Variants in ITPR2 observed in about 807,000 individuals in gnomAD.
The protein encoded by ITPR2 is inositol 1,4,5-trisphosphate-gated calcium channel ITPR2.
ITPR2 carries 207 observed loss-of-function variants against 317.1 expected under a neutral mutation model. The observed-to-expected ratio is 0.65, with a 90% CI of 0.58 to 0.73. The LOEUF (loss-of-function observed/expected upper bound fraction) is 0.73. Ranked by LOEUF, ITPR2 falls within the 30% of genes least tolerant of loss-of-function variation. The pLI, the probability that ITPR2 is intolerant of heterozygous loss-of-function variation, is 0.00. For missense variants in ITPR2, 2,613 were observed against 3,284.0 expected (o/e 0.80, Z 4.99); for synonymous variants, 1,156 against 1,149.1 (o/e 1.01, Z -0.12).
intron 55 of ITPR2, among the ~76,000 whole-genome samples, chr12:26,354,356 A>C (rs188334072): frequency 3.9e-4 from 59 of 152,342 alleles, no homozygotes; most frequent in African/African-American, 1.3e-3. Flanking sequence ...CACACAAATA[A>C]ATGGGTAAAT....
chr12:26,621,377 T>C (rs1268276030), intron 25 of ITPR2, 81 bp from the exon 26 acceptor site: 3 of 1,055,312 alleles, frequency 2.8e-6, no homozygotes, highest in Non-Finnish European at 4.1e-6. Flanking sequence ...ATATTGACCA[T>C]GAAAACCTAC....
At chr12:26,439,873 C>T (rs1237718237) in intron 46 of ITPR2, among the ~76,000 whole-genome samples, 1 of 152,108 alleles carries the variant, frequency 6.6e-6, no homozygotes, top group African/African-American at 2.4e-5. Context: ...CATATACCCA[C>T]ATTTAAATAC....
chr12:26,675,699 T>TA (rs911550509), intron 13 of ITPR2, among the ~76,000 whole-genome samples: 7 of 149,228 alleles, frequency 4.7e-5, no homozygotes, highest in South Asian at 2.1e-4. Context: ...AGTATAATAA[T>TA]AAAAAAAAAA....
chr12:26,384,073 G>A (rs779211041), intron 55 of ITPR2, among the ~76,000 whole-genome samples: 91 of 152,180 alleles, frequency 6.0e-4, no homozygotes, highest in Non-Finnish European at 9.6e-4. Context: ...AAATAAGAGT[G>A]GCAGAAAATG....
rs751454320 is a variant in ITPR2, at chr12:26,715,309, C to T, written c.845G>A (p.Trp282Ter). Reference sequence around the variant, plus strand: ...AAAACATTTACATACCTCTATTTCCCAGAGTGCTTTAGAACTAGTAGCAGA... The same window carrying T: ...AAAACATTTACATACCTCTATTTCCTAGAGTGCTTTAGAACTAGTAGCAGA... ...ATSATSSKAL[W>*]EIEVVHHDPC... Residue 282 changes from tryptophan to a stop codon, truncating the protein, a stop_gained, in exon 8 of 57, where the codon TGG (tryptophan) becomes TAG (stop). Coordinates refer to ENST00000381340, the MANE Select transcript of ITPR2 (RefSeq NM_002223.4). LOFTEE classifies it high-confidence loss of function. The T allele has an allele frequency of 6.2e-7, 1 of 1,611,496 alleles. No homozygotes were observed. Among genetic ancestry groups the T allele is most frequent in the Admixed American group, 1.7e-5 (1 of 59,584 alleles).
chr12:26,634,883 TCAAAAAAAA>T (rs1186477497), intron 21 of ITPR2, among the ~76,000 whole-genome samples: 1 of 31,388 alleles, frequency 3.2e-5, no homozygotes, highest in African/African-American at 1.1e-4. Flanking sequence ...AGACTTCATC[TCAAAAAAAA>T]AAAAAAAAAA....
chr12:26,445,498 A>G (rs1469408440), intron 45 of ITPR2, among the ~76,000 whole-genome samples: 1 of 152,092 alleles, frequency 6.6e-6, no homozygotes, highest in Non-Finnish European at 1.5e-5. Flanking sequence ...TAGACTGAGA[A>G]AGTTGGTTAA....
intron 15 of ITPR2, among the ~76,000 whole-genome samples, chr12:26,660,216 G>C (rs1947466316): frequency 6.6e-6 from 1 of 152,196 alleles, no homozygotes; most frequent in African/African-American, 2.4e-5. Flanking sequence ...AAGTTTGAGA[G>C]GTAGGTCAAA....
intron 2 of ITPR2, among the ~76,000 whole-genome samples, chr12:26,741,619 G>A (rs905438683): frequency 6.6e-6 from 1 of 152,192 alleles, no homozygotes; most frequent in African/African-American, 2.4e-5. Context: ...AGCCTACAGC[G>A]GATGGGATTC....
intron 51 of ITPR2, among the ~76,000 whole-genome samples, chr12:26,412,386 T>A (rs769760895): frequency 6.6e-6 from 1 of 152,132 alleles, no homozygotes; most frequent in Non-Finnish European, 1.5e-5. Context: ...CAGATTTACC[T>A]CCATCCCCTG....
intron 36 of ITPR2, among the ~76,000 whole-genome samples, chr12:26,552,447 G>C (rs991673851): frequency 6.6e-6 from 1 of 152,196 alleles, no homozygotes; most frequent in African/African-American, 2.4e-5. Flanking sequence ...CTCCCAAAGT[G>C]CTGGGATTAG....
At chr12:26,542,248 G>A (rs1944283962) in intron 37 of ITPR2, among the ~76,000 whole-genome samples, 1 of 152,154 alleles carries the variant, frequency 6.6e-6, no homozygotes, top group Non-Finnish European at 1.5e-5. Flanking sequence ...ATGCTTTCCA[G>A]TACACACTTA....
At chr12:26,761,260 C>A (rs1949627603) in intron 2 of ITPR2, among the ~76,000 whole-genome samples, 1 of 152,206 alleles carries the variant, frequency 6.6e-6, no homozygotes, top group Non-Finnish European at 1.5e-5. Flanking sequence ...ACCAGACAGC[C>A]CATCAAGAAT....
At chr12:26,816,318 T>C (rs1432509874) in intron 1 of ITPR2, among the ~76,000 whole-genome samples, 1 of 152,204 alleles carries the variant, frequency 6.6e-6, no homozygotes, top group African/African-American at 2.4e-5. Context: ...GTTTTACATA[T>C]GTTAGTTGCC....
chr12:26,670,120 G>A (rs1163449881), intron 13 of ITPR2, among the ~76,000 whole-genome samples: 1 of 152,224 alleles, frequency 6.6e-6, no homozygotes, highest in African/African-American at 2.4e-5. Flanking sequence ...CTGGGGGCAG[G>A]GCACAGACAA....
intron 55 of ITPR2, among the ~76,000 whole-genome samples, chr12:26,367,411 A>C (rs978808304): frequency 6.6e-6 from 1 of 152,048 alleles, no homozygotes; most frequent in Non-Finnish European, 1.5e-5. Context: ...CACATACCCT[A>C]TATTTTTTTC....
intron 14 of ITPR2, among the ~76,000 whole-genome samples, chr12:26,664,413 G>A (rs1040900708): frequency 6.6e-6 from 1 of 152,204 alleles, no homozygotes; most frequent in African/African-American, 2.4e-5. Context: ...AGCCACATGG[G>A]CAGCTGGTGG....
At chr12:26,538,497 A>G (rs1456133739) in intron 37 of ITPR2, among the ~76,000 whole-genome samples, 1 of 152,224 alleles carries the variant, frequency 6.6e-6, no homozygotes, top group Non-Finnish European at 1.5e-5. Context: ...GAGAAGCATC[A>G]AAGAAAGCAG....
intron 2 of ITPR2, among the ~76,000 whole-genome samples, chr12:26,770,284 C>T (rs1592111770): frequency 6.6e-6 from 1 of 152,142 alleles, no homozygotes; most frequent in East Asian, 1.9e-4. Flanking sequence ...ACTGGGGAGG[C>T]TTATTCTTTT....
Sources: allele counts gnomAD v4.1 joint callset (sites outside exome capture counted in the v4.1 genomes callset), GRCh38; gene constraint gnomAD v4.1.1; transcripts MANE v1.5; gene names NCBI Gene and HGNC (gene_info 2026-07-23, HGNC 2026-07-21).